EFCAB5: variants seen among roughly 807,000 people sequenced by gnomAD.
EFCAB5 encodes the protein EF-hand calcium-binding domain-containing protein 5.
Under a neutral mutation model 167.9 loss-of-function variants are expected in EFCAB5, and 131 were observed. That is an observed-to-expected ratio of 0.78 (90% CI 0.68 to 0.90). The LOEUF (loss-of-function observed/expected upper bound fraction) is 0.90, where lower values mean the gene tolerates loss of function less well. Among genes scored for constraint, EFCAB5 ranks in the 40% least tolerant of loss-of-function variants. The pLI is 0.00. For synonymous variants in EFCAB5, 574 were observed against 602.8 expected, an observed-to-expected ratio of 0.95 and a Z score of 0.70; for missense variants, 1,663 against 1,745.2, an observed-to-expected ratio of 0.95 and a Z score of 0.84.
chr17:29,955,297 C>T (rs2067591231), intron 3 of EFCAB5, among the ~76,000 whole-genome samples: 1 of 152,076 alleles, frequency 6.6e-6, no homozygotes, highest in South Asian at 2.1e-4. Context: ...TCCCATAATT[C>T]CCACGTGTCA....
chr17:29,945,218 C>A (rs939851884), intron 3 of EFCAB5, among the ~76,000 whole-genome samples: 1 of 151,906 alleles, frequency 6.6e-6, no homozygotes, highest in Non-Finnish European at 1.5e-5. Context: ...GTTTAGTATA[C>A]GCTAGGCTGA....
At position 30,051,206 on chromosome 17, in the gene EFCAB5, A is replaced by C. The variant is rs371769961; in HGVS notation, c.1289A>C (p.Asn430Thr). 4.3e-6 allele frequency: 7 copies of C among 1,613,844 alleles called. No individual in the cohort carries two copies. In the African/African-American group the frequency reaches 9.3e-5, roughly 22 times the overall value. Reference sequence around the variant, plus strand: ...CAAATGCTTAGGAGTTTACTTCGAAACCCACGACAATGTAAGTGCCGCTCA... The same window carrying C: ...CAAATGCTTAGGAGTTTACTTCGAACCCCACGACAATGTAAGTGCCGCTCA... ...SSQMLRSLLR[N>T]PRQWPFIEFE... Residue 430 changes from asparagine (N) to threonine (T), a missense_variant, in exon 9 of 23, where the codon AAC becomes ACC. Asn to Thr is a moderately conservative substitution (Grantham distance 65, BLOSUM62 0). Transcript: ENST00000394835.
intron 22 of EFCAB5, among the ~76,000 whole-genome samples, chr17:30,096,871 G>C (rs1225214120): frequency 6.8e-6 from 1 of 146,658 alleles, no homozygotes; most frequent in African/African-American, 2.5e-5. Flanking sequence ...GTAGAGACGG[G>C]GTTGCACCAT....
chr17:30,004,365 C>T lies in EFCAB5; in HGVS notation c.1044+4389C>T, dbSNP rs577105574. Among the ~76,000 whole-genome samples the T allele has an allele frequency of 2.0e-5, 3 of 152,294 alleles. No individual in the cohort carries two copies. In the East Asian group the frequency reaches 5.8e-4, roughly 29 times the overall value. On this transcript the variant is annotated intron_variant, in intron 7 of 22. Coordinates refer to ENST00000394835, the MANE Select transcript of EFCAB5 (RefSeq NM_198529.4). ...CAGGTGGGCATAAAGATCCAATTTC[C>T]CCATTCAATCTCCATTGACATTTTG... is the stretch of plus-strand genomic sequence containing the variant.
At chr17:29,999,352 G>C (rs572632468) in intron 6 of EFCAB5, among the ~76,000 whole-genome samples, 2 of 152,228 alleles carry the variant, frequency 1.3e-5, no homozygotes, top group South Asian at 4.1e-4. Flanking sequence ...GCATAGAAAG[G>C]TTGCTGGAAG....
chr17:30,080,023 G>A, intron 15 of EFCAB5, 49 bp from the exon 16 acceptor site: 1 of 1,561,576 alleles, frequency 6.4e-7, no homozygotes, highest in Non-Finnish European at 8.6e-7. Flanking sequence ...ATGATTAGGG[G>A]AGTTCTTTGG....
chr17:29,953,431 C>A (rs543219537), intron 3 of EFCAB5, among the ~76,000 whole-genome samples: 1 of 152,298 alleles, frequency 6.6e-6, no homozygotes, highest in South Asian at 2.1e-4. Context: ...GGGAGCAGGT[C>A]TTTTCCATGC....
intron 8 of EFCAB5, among the ~76,000 whole-genome samples, chr17:30,043,594 G>A (rs1363486425): frequency 6.6e-6 from 1 of 152,068 alleles, no homozygotes; most frequent in Non-Finnish European, 1.5e-5. Context: ...AAGAAATATT[G>A]GAAGATGAAA....
At chr17:30,034,430 G>T (rs1414733207) in intron 8 of EFCAB5, 45 bp downstream of exon 8, 1 of 1,545,354 alleles carries the variant, frequency 6.5e-7, no homozygotes. Context: ...CAGACACTGT[G>T]GCTCACGCCT....
chr17:30,021,875 A>C (rs1173238353), intron 7 of EFCAB5, among the ~76,000 whole-genome samples: 1 of 152,170 alleles, frequency 6.6e-6, no homozygotes, highest in Non-Finnish European at 1.5e-5. Context: ...CTTGAAGTAG[A>C]GATGTTACAC....
At chr17:30,066,146 G>C (rs991720271) in intron 14 of EFCAB5, among the ~76,000 whole-genome samples, 1 of 152,136 alleles carries the variant, frequency 6.6e-6, no homozygotes, top group Non-Finnish European at 1.5e-5. Context: ...GCTAGCTGCA[G>C]AATACACCTC....
At chr17:30,050,370 G>A (rs1337224983) in intron 8 of EFCAB5, among the ~76,000 whole-genome samples, 1 of 152,060 alleles carries the variant, frequency 6.6e-6, no homozygotes, top group East Asian at 1.9e-4. Context: ...CCCGACCTTA[G>A]GTGATCCACC....
intron 3 of EFCAB5, among the ~76,000 whole-genome samples, chr17:29,953,867 A>G (rs2067560207): frequency 6.6e-6 from 1 of 152,254 alleles, no homozygotes. Context: ...AAGTGCTTAT[A>G]GTGATATGGA....
Position 30,030,214 on chromosome 17 carries a change from C to T in EFCAB5, c.1045-4016C>T, listed in dbSNP as rs1345432981. 2.6e-5 allele frequency among the ~76,000 whole-genome samples: 4 copies of T among 152,276 alleles called. No individual in the cohort carries two copies. The East Asian group carries it at 5.8e-4, about 22-fold the overall frequency. On this transcript the variant is annotated intron_variant, in intron 7 of 22. Coordinates refer to ENST00000394835, the MANE Select transcript of EFCAB5 (RefSeq NM_198529.4). Reference sequence around the variant, plus strand: ...TAGTCTTTATGCCAGCTAGCCTAAACTTACAGAACAATCAGAATATGCTAA... The same window carrying T: ...TAGTCTTTATGCCAGCTAGCCTAAATTTACAGAACAATCAGAATATGCTAA...
intron 1 of EFCAB5, chr17:29,930,282 G>C (rs1425641067): frequency 2.1e-6 from 1 of 484,778 alleles, no homozygotes; most frequent in Non-Finnish European, 3.7e-6. Context: ...TCCCCTCGGC[G>C]CGCGCCGCCG....
At position 30,093,006 on chromosome 17, in the gene EFCAB5, G is replaced by C. The variant is rs1461439665; in HGVS notation, c.4321+70G>C. 7 of 1,254,360 alleles carry C rather than the reference G, an allele frequency of 5.6e-6. No individual in the cohort carries two copies. In the East Asian group the frequency reaches 1.0e-4, roughly 18 times the overall value. The allele number at this position is 1,254,360 out of a possible 1,614,324, so 77.7% of individuals were successfully genotyped here. A position where few individuals can be genotyped will look rare whatever the true frequency, so the allele number is the denominator to read the frequency against. On this transcript the variant is annotated intron_variant, in intron 22 of 22. Transcript: ENST00000394835. The stretch of plus-strand genomic sequence containing the variant: ...TAAAACACAGTTGTGATTTTTATTA[G>C]GATAAAGCAAGTGGGTCATAAATTC...
chr17:29,993,804 G>A (rs1176549885), intron 5 of EFCAB5, among the ~76,000 whole-genome samples: 1 of 152,056 alleles, frequency 6.6e-6, no homozygotes, highest in Non-Finnish European at 1.5e-5. Flanking sequence ...ACAAGCCACA[G>A]ACTGGGAGAA....
Position 30,092,088 on chromosome 17 carries a change from G to A in EFCAB5, c.4155G>A (p.Ala1385=), listed in dbSNP as rs372266388. Residue 1385 remains alanine (A), a synonymous_variant, in exon 21 of 23, where the codon GCG becomes GCA. Coordinates refer to ENST00000394835, the MANE Select transcript of EFCAB5 (RefSeq NM_198529.4). ...AACTAGTGCGTGACATCCTGAAGGCGGTTATCTTGTTCTTTCATCCAGAGT... is the reference window on the plus strand; with the variant it reads ...AACTAGTGCGTGACATCCTGAAGGCAGTTATCTTGTTCTTTCATCCAGAGT... ...NVKLVRDILK[A]VILFFHPELE... 1,433 of 1,613,920 alleles carry A rather than the reference G, an allele frequency of 8.9e-4. 3 individuals carry two copies. Among genetic ancestry groups the A allele is most frequent in the Middle Eastern group, 5.6e-3 (34 of 6,062 alleles).
At chr17:29,997,937 A>G (rs952196638) in intron 6 of EFCAB5, among the ~76,000 whole-genome samples, 10 of 133,754 alleles carry the variant, frequency 7.5e-5, no homozygotes, top group Non-Finnish European at 1.3e-4. Context: ...AATTAGGTGG[A>G]AAAAAAAAAA....
Sources: gnomAD v4.1 joint callset for allele counts (sites outside exome capture counted in the v4.1 genomes callset) on GRCh38, gnomAD v4.1.1 for gene constraint, MANE v1.5 for transcripts, NCBI Gene and HGNC (gene_info 2026-07-23, HGNC 2026-07-21) for gene names.